The following KCNN3 variants were observed in gnomAD, a reference collection of about 807,000 sequenced individuals.
The protein encoded by KCNN3 is potassium calcium-activated channel subfamily N member 3, also known as small conductance calcium-activated potassium channel protein 3.
Under a neutral mutation model 62.9 loss-of-function variants are expected in KCNN3, and 16 were observed. That is an observed-to-expected ratio of 0.25 (90% CI 0.17 to 0.39). The LOEUF is 0.39. KCNN3 is among the 10% of genes least tolerant of loss of function. The pLI is 1.00. For missense variants in KCNN3, 599 were observed against 949.4 expected, an observed-to-expected ratio of 0.63 and a Z score of 4.85; for synonymous variants, 370 against 389.2, an observed-to-expected ratio of 0.95 and a Z score of 0.58.
At chr1:154,797,564 G>T (rs960912976) in intron 2 of KCNN3, among the ~76,000 whole-genome samples, 3 of 152,124 alleles carry the variant, frequency 2.0e-5, no homozygotes, top group African/African-American at 7.2e-5. Flanking sequence ...GAATTTACAC[G>T]GACTTATTTG....
intron 3 of KCNN3, among the ~76,000 whole-genome samples, chr1:154,760,822 G>A (rs1191137806): frequency 2.6e-5 from 4 of 152,238 alleles, no homozygotes; most frequent in African/African-American, 4.8e-5. Flanking sequence ...ATAAGCGGCC[G>A]GCCGCAGAGG....
chr1:154,839,029 T>C (rs1651715911), intron 1 of KCNN3, among the ~76,000 whole-genome samples: 1 of 152,118 alleles, frequency 6.6e-6, no homozygotes, highest in African/African-American at 2.4e-5. Context: ...TCCCTCCCCA[T>C]GTTGGAGGGC....
At chr1:154,837,528 G>T (rs1486895248) in intron 1 of KCNN3, among the ~76,000 whole-genome samples, 1 of 152,088 alleles carries the variant, frequency 6.6e-6, no homozygotes, top group Non-Finnish European at 1.5e-5. Flanking sequence ...CCCTGGAGGA[G>T]CTCTGGGCCC....
intron 1 of KCNN3, among the ~76,000 whole-genome samples, chr1:154,853,999 G>A (rs1439217082): frequency 6.6e-6 from 1 of 152,048 alleles, no homozygotes; most frequent in Non-Finnish European, 1.5e-5. Context: ...ATCTCGGGAG[G>A]CCAAGGCAGG....
intron 3 of KCNN3, among the ~76,000 whole-genome samples, chr1:154,770,008 A>C (rs1363118866): frequency 6.6e-6 from 1 of 152,240 alleles, no homozygotes; most frequent in Non-Finnish European, 1.5e-5. Flanking sequence ...AGCGACCAGC[A>C]CAATGTTGCT....
At chr1:154,757,127 G>C (rs1256794744) in intron 3 of KCNN3, among the ~76,000 whole-genome samples, 1 of 152,216 alleles carries the variant, frequency 6.6e-6, no homozygotes, top group African/African-American at 2.4e-5. Flanking sequence ...AATAGGGTAT[G>C]GGGGGAATCA....
At chr1:154,822,023 G>A (rs1285153828) in intron 2 of KCNN3, 66 bp downstream of exon 2, 2 of 1,223,686 alleles carry the variant, frequency 1.6e-6, no homozygotes. Context: ...GGGTGGGGAT[G>A]GGCTCGGCTC....
rs1652813016 is a variant in KCNN3, at chr1:154,862,708, G to A, written c.933+6324C>T. Among the ~76,000 whole-genome samples the A allele has an allele frequency of 6.6e-6, 1 of 151,982 alleles. No homozygotes were observed. Among genetic ancestry groups the A allele is most frequent in the Non-Finnish European group, 1.5e-5 (1 of 67,974 alleles). On this transcript the variant is annotated intron_variant, in intron 1 of 7. Transcript: ENST00000271915. The surrounding 1 kb of genome is among the most constrained non-coding windows in gnomAD (Gnocchi z 4.1). ...CTCACCCTGATCCCAGGCCAACCTGGGGTGCCCACACTTGCCCTGGCCACC... is the reference window on the plus strand; with the variant it reads ...CTCACCCTGATCCCAGGCCAACCTGAGGTGCCCACACTTGCCCTGGCCACC...
chr1:154,868,275 T>C, intron 1 of KCNN3: 1 of 985,676 alleles, frequency 1.0e-6, no homozygotes, highest in East Asian at 1.1e-4. Context: ...GCCATTTTTA[T>C]CAGGAGATGT....
At chr1:154,798,992 C>T (rs1485665956) in intron 2 of KCNN3, among the ~76,000 whole-genome samples, 1 of 151,242 alleles carries the variant, frequency 6.6e-6, no homozygotes, top group Non-Finnish European at 1.5e-5. Context: ...TCTTGGCTCA[C>T]TGCAACCTCT....
chr1:154,842,912 A>G (rs1385435926), intron 1 of KCNN3, among the ~76,000 whole-genome samples: 1 of 152,170 alleles, frequency 6.6e-6, no homozygotes, highest in Non-Finnish European at 1.5e-5. Flanking sequence ...CCATGTGACC[A>G]AGCCTCAACT....
At position 154,701,364 on chromosome 1, in the gene KCNN3, G is replaced by A. The variant is rs916220770; in HGVS notation, c.*6612C>T. On this transcript the variant is annotated 3_prime_UTR_variant, in exon 8 of 8. Transcript: ENST00000271915. ...ACAATATTGCACCAAAGCAACAACA[G>A]CAAGTGAGGGTCCCAGGTGAGAAGA... 5 of 152,204 alleles carry A rather than the reference G, an allele frequency of 3.3e-5. No homozygotes were observed. Among genetic ancestry groups the A allele is most frequent in the Non-Finnish European group, 5.9e-5 (4 of 68,050 alleles). The allele number at this position is 152,204 out of a possible 1,614,324, so 9.4% of individuals were successfully genotyped here.
chr1:154,866,901 C>G (rs1453809114), intron 1 of KCNN3, among the ~76,000 whole-genome samples: 2 of 152,238 alleles, frequency 1.3e-5, no homozygotes, highest in Non-Finnish European at 2.9e-5. Context: ...GGGGTGGCAC[C>G]TGCCCCAGGC....
intron 1 of KCNN3, among the ~76,000 whole-genome samples, chr1:154,841,522 G>A (rs6663511): frequency 7.9e-5 from 12 of 152,140 alleles, no homozygotes; most frequent in African/African-American, 1.4e-4. Flanking sequence ...GGCACTGTTC[G>A]TACCTGTTTT....
At chr1:154,713,078 C>A (rs1408771208) in intron 7 of KCNN3, among the ~76,000 whole-genome samples, 1 of 152,152 alleles carries the variant, frequency 6.6e-6, no homozygotes, top group Non-Finnish European at 1.5e-5. Context: ...GTGACCTGGG[C>A]AGTTACCATG....
chr1:154,810,124 G>A (rs1031311716), intron 2 of KCNN3, among the ~76,000 whole-genome samples: 2 of 152,186 alleles, frequency 1.3e-5, no homozygotes, highest in African/African-American at 4.8e-5. Flanking sequence ...GCTTAGGGGA[G>A]TTTGGGTGGA....
rs772849147 is a variant in KCNN3, at chr1:154,772,375, C to T, written c.1048G>A (p.Gly350Ser). The T allele has an allele frequency of 1.9e-6, 3 of 1,614,018 alleles. No homozygotes were observed. The highest frequency in any genetic ancestry group is 1.6e-4 in the Middle Eastern group (1 of 6,084). ...REVQLFVIDN[G>S]ADDWRIAMTY... ...ATGGCTATCCGCCAGTCATCCGCGC[C>T]ATTGTCGATCACGAAGAGCTGGTGG... Residue 350 changes from glycine (G) to serine (S), a missense_variant, in exon 3 of 8, where the codon GGC becomes AGC. By Grantham distance (56) the Gly-to-Ser change is moderately conservative. Coordinates refer to ENST00000271915, the MANE Select transcript of KCNN3 (RefSeq NM_002249.6). This position sits in a 1 kb window ranked among gnomAD's most constrained non-coding sequence, Gnocchi z 5.6.
At chr1:154,747,747 T>A (rs934659201) in intron 3 of KCNN3, among the ~76,000 whole-genome samples, 1 of 151,846 alleles carries the variant, frequency 6.6e-6, no homozygotes, top group Non-Finnish European at 1.5e-5. Flanking sequence ...GATAGAAGAG[T>A]CATTCCAAAA....
At chr1:154,823,966 C>G (rs183332954) in intron 1 of KCNN3, among the ~76,000 whole-genome samples, 396 of 152,274 alleles carry the variant, frequency 2.6e-3, no homozygotes, top group Middle Eastern at 6.8e-3. Flanking sequence ...ATTAATCTCC[C>G]CATTCATTTA....
Sources: gnomAD v4.1 joint callset for allele counts (sites outside exome capture counted in the v4.1 genomes callset) on GRCh38, gnomAD v4.1.1 for gene constraint, Gnocchi (gnomAD v3.1) non-coding constraint, MANE v1.5 for transcripts, NCBI Gene and HGNC (gene_info 2026-07-23, HGNC 2026-07-21) for gene names.